Variants in CCDC187 observed in about 807,000 individuals in gnomAD.
CCDC187 encodes coiled-coil domain-containing protein 187.
In CCDC187, 32 loss-of-function variants were observed where a neutral mutation model predicts 38.0. The observed-to-expected ratio is 0.84, with a 90% CI of 0.64 to 1.13. The LOEUF is 1.13. CCDC187 is among the 50% of genes most tolerant of loss of function. The pLI, the probability that CCDC187 is intolerant of heterozygous loss-of-function variation, is 0.00. For missense variants in CCDC187, 707 were observed against 786.8 expected (o/e 0.90, Z 1.21); for synonymous variants, 333 against 347.9 (o/e 0.96, Z 0.48).
Position 136,250,483 on chromosome 9 carries a change from G to C in CCDC187, c.*3111C>G. The C allele has an allele frequency of 3.0e-6, 1 of 335,698 alleles. No individual in the cohort carries two copies. Among genetic ancestry groups the C allele is most frequent in the Non-Finnish European group, 5.9e-6 (1 of 170,116 alleles). The allele number at this position is 335,698 out of a possible 1,614,324, so 20.8% of individuals were successfully genotyped here. ...AGATTTATCGTCATGCCAGATGCGT[G>C]TGTGTGAGATACATAATTCCTCTCA... On this transcript the variant is annotated 3_prime_UTR_variant, in exon 26 of 26. Transcript: ENST00000638797.
chr9:136,303,371 C>T (rs1831737638), intron 1 of CCDC187, 78 bp from the exon 2 acceptor site: 2 of 390,454 alleles, frequency 5.1e-6, no homozygotes, highest in Non-Finnish European at 4.5e-6. Context: ...ACTGGCCCCA[C>T]CTCCCCGGGC....
chr9:136,270,386 C>T (rs1830820432), intron 14 of CCDC187, among the ~76,000 whole-genome samples: 1 of 143,728 alleles, frequency 7.0e-6, no homozygotes, highest in Admixed American at 7.1e-5. Context: ...AAGCAAGTCA[C>T]GTGATCATAG....
chr9:136,299,187 T>C (rs1387818273), intron 3 of CCDC187, among the ~76,000 whole-genome samples: 1 of 150,874 alleles, frequency 6.6e-6, no homozygotes, highest in Non-Finnish European at 1.5e-5. Context: ...TGGACAGGAG[T>C]TCCCCGGCAA....
At chr9:136,262,178 G>A (rs1177603587) in intron 19 of CCDC187, 133 bp downstream of exon 19, 17 of 794,972 alleles carry the variant, frequency 2.1e-5, no homozygotes, top group Non-Finnish European at 2.6e-5. Flanking sequence ...GGGAGGGGAT[G>A]CCCAGGGCTA....
At chr9:136,289,105 C>G (rs1040915221) in intron 7 of CCDC187, among the ~76,000 whole-genome samples, 223 of 152,368 alleles carry the variant, frequency 1.5e-3, no homozygotes, top group African/African-American at 4.5e-3. Flanking sequence ...AGTTCTGACT[C>G]AAGCTGCAAC....
rs1830526207 is a variant in CCDC187, at chr9:136,250,815, AG to A, written c.*2778del. ...TTGTTAACGGCACCTGGGGCTAAGCAGCCGCCCCGGGGCTGGAGAAGGCAGG... is the reference window on the plus strand; with the variant it reads ...TTGTTAACGGCACCTGGGGCTAAGCACCGCCCCGGGGCTGGAGAAGGCAGG... On this transcript the variant is annotated 3_prime_UTR_variant, in exon 26 of 26. Coordinates refer to ENST00000638797, the MANE Select transcript of CCDC187 (RefSeq NM_001378188.1). The A allele has an allele frequency of 2.2e-6, 1 of 456,272 alleles. No homozygotes were observed. Among genetic ancestry groups the A allele is most frequent in the South Asian group, 1.5e-5 (1 of 64,574 alleles). The allele number at this position is 456,272 out of a possible 1,614,324, so 28.3% of individuals were successfully genotyped here.
chr9:136,263,821 T>C (rs1830708813), intron 17 of CCDC187, 23 bp from the exon 18 acceptor site: 2 of 985,492 alleles, frequency 2.0e-6, no homozygotes, highest in Non-Finnish European at 2.4e-6. Context: ...AATAAGCAGA[T>C]GTCAGCATAA....
chr9:136,296,878 A>T lies in CCDC187; in HGVS notation c.832+836T>A, dbSNP rs1375688195. On this transcript the variant is annotated intron_variant, in intron 4 of 25. Coordinates refer to ENST00000638797, the MANE Select transcript of CCDC187 (RefSeq NM_001378188.1). ...CTCTCCGGGAAACACGCATGAAATT[A>T]ATCGTAATGCAAGCACATGGCTGAC... is the stretch of plus-strand genomic sequence containing the variant. 2.0e-5 allele frequency among the ~76,000 whole-genome samples: 3 copies of T among 152,286 alleles called. No individual in the cohort carries two copies. In the East Asian group the frequency reaches 5.8e-4, roughly 29 times the overall value.
intron 4 of CCDC187, among the ~76,000 whole-genome samples, chr9:136,295,288 C>G (rs1057142909): frequency 6.6e-6 from 1 of 152,242 alleles, no homozygotes; most frequent in Non-Finnish European, 1.5e-5. Context: ...CCCGCCTGCC[C>G]GCCCGGCCCC....
intron 17 of CCDC187, 104 bp downstream of exon 17, chr9:136,265,852 C>A: frequency 1.8e-6 from 1 of 556,750 alleles, no homozygotes; most frequent in Non-Finnish European, 2.3e-6. Flanking sequence ...CTTGGGAATT[C>A]TTTAGCTCTG....
chr9:136,285,273 G>T (rs1381462795), intron 9 of CCDC187, among the ~76,000 whole-genome samples: 1 of 152,162 alleles, frequency 6.6e-6, no homozygotes, highest in Non-Finnish European at 1.5e-5. Context: ...AGTTCAGGGG[G>T]CATTCGTGGG....
rs937252996 is a variant in CCDC187, at chr9:136,264,519, G to A, written c.3736-721C>T. On this transcript the variant is annotated intron_variant, in intron 17 of 25. Transcript: ENST00000638797. The surrounding 1 kb of genome is among the most constrained non-coding windows in gnomAD (Gnocchi z 4.3). ...TCCCCGGCTCACGTTGTTCTCTGTG[G>A]TGCCTGCCTTTTCCTGTTTCTCCGT... Among the ~76,000 whole-genome samples the A allele has an allele frequency of 2.6e-5, 4 of 152,170 alleles. No homozygotes were observed. Among genetic ancestry groups the A allele is most frequent in the Admixed American group, 6.5e-5 (1 of 15,292 alleles).
upstream of CCDC187, among the ~76,000 whole-genome samples, chr9:136,305,609 G>A (rs1270669188): frequency 6.6e-6 from 1 of 152,242 alleles, no homozygotes; most frequent in East Asian, 1.9e-4. Context: ...CTCCTGAGCA[G>A]AAGAGGCCAA....
chr9:136,290,427 C>T (rs952069864), intron 6 of CCDC187, 59 bp downstream of exon 6: 91 of 398,474 alleles, frequency 2.3e-4, no homozygotes, highest in African/African-American at 1.6e-3. Flanking sequence ...AGCACCTGAG[C>T]GCCTAAGCCT....
intron 4 of CCDC187, among the ~76,000 whole-genome samples, chr9:136,295,433 T>G (rs924803891): frequency 1.1e-4 from 17 of 152,352 alleles, no homozygotes; most frequent in African/African-American, 3.4e-4. Flanking sequence ...ATTTTTAATC[T>G]GTGGAAATGG....
chr9:136,289,116 A>ATGAATGAGCCTGGAAAACGTTATCT (rs1186937572), intron 7 of CCDC187, among the ~76,000 whole-genome samples: 2 of 152,378 alleles, frequency 1.3e-5, no homozygotes, highest in East Asian at 1.9e-4. Context: ...AAGCTGCAAC[A>ATGAATGAGCCTGGAAAACGTTATCT]TGAATGAGCC....
Position 136,262,442 on chromosome 9 carries a change from C to T in CCDC187, c.3933G>A (p.Lys1311=). 1 of 985,806 alleles carries T rather than the reference C, an allele frequency of 1.0e-6. No homozygotes were observed. Among genetic ancestry groups the T allele is most frequent in the East Asian group, 1.1e-4 (1 of 8,824 alleles). The allele number at this position is 985,806 out of a possible 1,614,324, so 61.1% of individuals were successfully genotyped here. A position where few individuals can be genotyped will look rare whatever the true frequency, so the allele number is the denominator to read the frequency against. ...TCTCTGAGCCTCCCTCCCAGGCGGC[C>T]TTGACTTTGGGGCTGGAACCCTGTA... is the stretch of plus-strand genomic sequence containing the variant. ...KLQQGSSPKV[K]AAWEGGSETS... is the part of the protein sequence containing the mutation. The change falls in exon 19 of 26, where the codon AAG becomes AAA. Residue 1311 remains lysine (K), a synonymous_variant. Transcript: ENST00000638797.
At chr9:136,278,835 G>A (rs1830982718) in intron 10 of CCDC187, among the ~76,000 whole-genome samples, 1 of 152,254 alleles carries the variant, frequency 6.6e-6, no homozygotes, top group South Asian at 2.1e-4. Flanking sequence ...CCACTCTTCA[G>A]TCACACTGGC....
intron 19 of CCDC187, among the ~76,000 whole-genome samples, chr9:136,260,944 G>A (rs1830671363): frequency 6.6e-6 from 1 of 152,204 alleles, no homozygotes; most frequent in Non-Finnish European, 1.5e-5. Flanking sequence ...ACAGGGCAGT[G>A]CCTCCAGGGC....
Sources: allele counts gnomAD v4.1 joint callset (sites outside exome capture counted in the v4.1 genomes callset), GRCh38; gene constraint gnomAD v4.1.1; non-coding constraint Gnocchi (gnomAD v3.1); transcripts MANE v1.5; gene names NCBI Gene and HGNC (gene_info 2026-07-23, HGNC 2026-07-21).